The following BBS9 variants were observed in gnomAD, a reference collection of about 807,000 sequenced individuals.
BBS9 encodes the protein protein PTHB1.
In BBS9, 89 loss-of-function variants were observed where a neutral mutation model predicts 117.7. That is an observed-to-expected ratio of 0.76 (90% CI 0.64 to 0.90). The LOEUF (loss-of-function observed/expected upper bound fraction) is 0.90, where lower values mean the gene tolerates loss of function less well. BBS9 is among the 40% of genes least tolerant of loss of function. BBS9 has a pLI of 0.00. For synonymous variants in BBS9, 379 were observed against 370.9 expected, an observed-to-expected ratio of 1.02 and a Z score of -0.25; for missense variants, 982 against 1,042.2, an observed-to-expected ratio of 0.94 and a Z score of 0.80.
intron 19 of BBS9, among the ~76,000 whole-genome samples, chr7:33,434,776 A>G: frequency 6.6e-6 from 1 of 152,184 alleles, no homozygotes. Context: ...TTGAAATAAC[A>G]TACTGCTGCT....
intron 2 of BBS9, among the ~76,000 whole-genome samples, chr7:33,149,887 A>T (rs1178177972): frequency 6.6e-6 from 1 of 152,196 alleles, no homozygotes; most frequent in Non-Finnish European, 1.5e-5. Context: ...TTATCCCTGA[A>T]GATAGGGCTA....
At chr7:33,397,117 AC>A (rs1365214407) in intron 19 of BBS9, among the ~76,000 whole-genome samples, 1 of 152,176 alleles carries the variant, frequency 6.6e-6, no homozygotes, top group African/African-American at 2.4e-5. Context: ...AGGAACTTAA[AC>A]AAATTTACAA....
At chr7:33,260,455 C>G (rs990906373) in intron 6 of BBS9, among the ~76,000 whole-genome samples, 4 of 152,156 alleles carry the variant, frequency 2.6e-5, no homozygotes, top group African/African-American at 2.4e-5. Context: ...GCCTAAAACA[C>G]TGATTTTTGG....
At chr7:33,544,268 T>C (rs543922165) in intron 21 of BBS9, among the ~76,000 whole-genome samples, 1 of 152,312 alleles carries the variant, frequency 6.6e-6, no homozygotes, top group East Asian at 1.9e-4. Context: ...TGAAGAGCCT[T>C]GTTTCATCAT....
At chr7:33,475,950 A>G (rs1841741990) in intron 19 of BBS9, among the ~76,000 whole-genome samples, 1 of 152,184 alleles carries the variant, frequency 6.6e-6, no homozygotes, top group South Asian at 2.1e-4. Flanking sequence ...TCTAATCGCA[A>G]AATTGAAGAA....
At chr7:33,626,317 T>A (rs114577253) in intron 21 of BBS9, among the ~76,000 whole-genome samples, 5,235 of 152,298 alleles carry the variant, frequency 0.034, 297 homozygotes, top group African/African-American at 0.12. Context: ...TAAACCTCTT[T>A]TCTTTATAAA....
At chr7:33,561,106 C>T (rs979093843) in intron 21 of BBS9, among the ~76,000 whole-genome samples, 3 of 152,162 alleles carry the variant, frequency 2.0e-5, no homozygotes, top group African/African-American at 7.2e-5. Context: ...TCAAGTCTGT[C>T]GTTTAATCCT....
chr7:33,203,312 G>T (rs1786245814), intron 5 of BBS9, among the ~76,000 whole-genome samples: 1 of 152,182 alleles, frequency 6.6e-6, no homozygotes, highest in Non-Finnish European at 1.5e-5. Context: ...AACACAGATT[G>T]CTGGGCCCCA....
intron 13 of BBS9, among the ~76,000 whole-genome samples, chr7:33,349,941 G>T (rs1044335747): frequency 1.3e-5 from 2 of 152,088 alleles, no homozygotes; most frequent in Non-Finnish European, 2.9e-5. Context: ...CTGCAAAAAG[G>T]GGGTAATGAT....
At chr7:33,617,609 C>G (rs997741990) in intron 21 of BBS9, among the ~76,000 whole-genome samples, 1 of 151,946 alleles carries the variant, frequency 6.6e-6, no homozygotes, top group Non-Finnish European at 1.5e-5. Context: ...CTTAAAGAAG[C>G]TCAGTGAACT....
chr7:33,512,936 C>T (rs1038982434), intron 20 of BBS9, among the ~76,000 whole-genome samples: 26 of 152,022 alleles, frequency 1.7e-4, no homozygotes, highest in African/African-American at 6.3e-4. Context: ...TTGCCCATGT[C>T]TCTGCATTGG....
intron 20 of BBS9, among the ~76,000 whole-genome samples, chr7:33,533,454 A>G (rs1318112270): frequency 6.6e-6 from 1 of 152,228 alleles, no homozygotes; most frequent in East Asian, 1.9e-4. Flanking sequence ...CTGTGGAACC[A>G]GTACCTGAGG....
chr7:33,631,326 T>C (rs1163429221), intron 21 of BBS9, among the ~76,000 whole-genome samples: 1 of 152,124 alleles, frequency 6.6e-6, no homozygotes, highest in Non-Finnish European at 1.5e-5. Context: ...CTCTTCCTTC[T>C]CTCTGGACCC....
At chr7:33,352,560 G>C (rs916963821) in intron 14 of BBS9, among the ~76,000 whole-genome samples, 14 of 151,936 alleles carry the variant, frequency 9.2e-5, no homozygotes, top group Admixed American at 5.2e-4. Context: ...TTGCTGTTTG[G>C]CTAGATCATA....
intron 9 of BBS9, among the ~76,000 whole-genome samples, chr7:33,281,272 T>G (rs180791272): frequency 8.6e-4 from 131 of 152,016 alleles, no homozygotes; most frequent in Middle Eastern, 3.4e-3. Context: ...TGACCTCTTT[T>G]GGGTTCCATT....
chr7:33,238,521 C>A (rs1190256882), intron 5 of BBS9, among the ~76,000 whole-genome samples: 1 of 151,968 alleles, frequency 6.6e-6, no homozygotes, highest in Non-Finnish European at 1.5e-5. Flanking sequence ...CTCGAACTCC[C>A]AACCTCAGGT....
chr7:33,519,759 A>G (rs1449974403), intron 20 of BBS9, among the ~76,000 whole-genome samples: 1 of 152,214 alleles, frequency 6.6e-6, no homozygotes, highest in Non-Finnish European at 1.5e-5. Context: ...ATCTAATGAT[A>G]ACAGATTGAA....
At chr7:33,485,629 G>C (rs1008899857) in intron 19 of BBS9, among the ~76,000 whole-genome samples, 1 of 152,050 alleles carries the variant, frequency 6.6e-6, no homozygotes, top group African/African-American at 2.4e-5. Flanking sequence ...TTAAAAAAAG[G>C]CATTTTCCTA....
At chr7:33,286,892 A>C (rs1803005226) in intron 9 of BBS9, among the ~76,000 whole-genome samples, 1 of 152,160 alleles carries the variant, frequency 6.6e-6, no homozygotes, top group Non-Finnish European at 1.5e-5. Context: ...CCAGAGGAAA[A>C]AGTTTATATT....
Sources: allele counts gnomAD v4.1 joint callset (sites outside exome capture counted in the v4.1 genomes callset), GRCh38; gene constraint gnomAD v4.1.1; transcripts MANE v1.5; gene names NCBI Gene and HGNC (gene_info 2026-07-23, HGNC 2026-07-21).